Variants in ZC3H12B observed in about 807,000 individuals in gnomAD.
ZC3H12B encodes zinc finger CCCH-type containing 12B, also known as probable ribonuclease ZC3H12B.
ZC3H12B carries 7 observed loss-of-function variants against 43.9 expected under a neutral mutation model. The ratio of observed to expected loss-of-function variants is 0.16; its 90% CI spans 0.09 to 0.30. ZC3H12B has a LOEUF of 0.30. Ranked by LOEUF, ZC3H12B falls within the 10% of genes least tolerant of loss-of-function variation. The probability of loss-of-function intolerance (pLI) is 1.00; values close to 1 mark genes in which losing one functional copy is unlikely to be tolerated. For missense variants in ZC3H12B, 475 were observed against 670.2 expected (o/e 0.71, Z 3.22); for synonymous variants, 222 against 241.7 (o/e 0.92, Z 0.76).
the ZC3H12B span, among the ~76,000 whole-genome samples, chrX:65,101,483 A>G: frequency 2.7e-5 from 3 of 112,010 alleles, no homozygotes; most frequent in African/African-American, 6.5e-5. Flanking sequence ...AACAAAATAA[A>G]TAAACCACTA....
At chrX:65,211,697 A>G in the ZC3H12B span, among the ~76,000 whole-genome samples, 3 of 89,019 alleles carry the variant, frequency 3.4e-5, no homozygotes, top group African/African-American at 8.3e-5. Context: ...ATAATATTAT[A>G]TAATATATAA....
At chrX:65,144,434 T>G in the ZC3H12B span, among the ~76,000 whole-genome samples, 1 of 112,241 alleles carries the variant, frequency 8.9e-6, no homozygotes, top group Non-Finnish European at 1.9e-5. Context: ...GTTTTTGTTT[T>G]ATTTATCTTT....
chrX:65,113,985 G>GCATATATATA, the ZC3H12B span, among the ~76,000 whole-genome samples: 1 of 47,483 alleles, frequency 2.1e-5, no homozygotes. Flanking sequence ...AGATATGCTT[G>GCATATATATA]TATATATATA....
At chrX:65,070,598 C>T in the ZC3H12B span, among the ~76,000 whole-genome samples, 3 of 110,548 alleles carry the variant, frequency 2.7e-5, no homozygotes, top group African/African-American at 6.6e-5. Context: ...CTTAACAATG[C>T]CTTAGCTGTG....
At chrX:65,163,918 C>T in the ZC3H12B span, among the ~76,000 whole-genome samples, 1 of 111,809 alleles carries the variant, frequency 8.9e-6, no homozygotes, top group Admixed American at 9.5e-5. Flanking sequence ...TCTTGGCTCC[C>T]CCCCTCTGCT....
the ZC3H12B span, among the ~76,000 whole-genome samples, chrX:65,039,489 T>C: frequency 8.9e-6 from 1 of 111,929 alleles, no homozygotes; most frequent in East Asian, 2.8e-4. Context: ...CTATAACCTT[T>C]CACAGCCTTG....
chrX:65,475,282 C>T (rs1388239525), intron 3 of ZC3H12B, among the ~76,000 whole-genome samples: 1 of 111,833 alleles, frequency 8.9e-6, no homozygotes, highest in African/African-American at 3.2e-5. Context: ...CACTATTTAG[C>T]ATGTGTTTCT....
the ZC3H12B span, among the ~76,000 whole-genome samples, chrX:65,253,761 C>A: frequency 8.9e-6 from 1 of 112,006 alleles, no homozygotes; most frequent in Admixed American, 9.4e-5. Context: ...CATGCCTGAC[C>A]ATGAAAGAGC....
the ZC3H12B span, among the ~76,000 whole-genome samples, chrX:65,321,534 G>A: frequency 9.0e-6 from 1 of 111,476 alleles, no homozygotes; most frequent in Non-Finnish European, 1.9e-5. Flanking sequence ...ATTTGACCCA[G>A]TAATCCCATT....
At chrX:65,200,934 C>G in the ZC3H12B span, among the ~76,000 whole-genome samples, 1 of 111,234 alleles carries the variant, frequency 9.0e-6, no homozygotes, top group Admixed American at 9.6e-5. Context: ...ATGCTGGATT[C>G]GGTTTGCCAG....
At chrX:65,067,381 G>A in the ZC3H12B span, among the ~76,000 whole-genome samples, 3 of 111,430 alleles carry the variant, frequency 2.7e-5, no homozygotes, top group Non-Finnish European at 3.8e-5. Context: ...CACAGCTTCC[G>A]TTTCCTAGGG....
intron 3 of ZC3H12B, chrX:65,408,064 C>A: frequency 5.1e-6 from 6 of 1,180,552 alleles, no homozygotes; most frequent in Non-Finnish European, 6.8e-6. Context: ...GGAACAGAGC[C>A]CCGGCCGCCG....
chrX:65,363,635 C>G (rs1306722650), upstream of ZC3H12B, among the ~76,000 whole-genome samples: 3 of 111,682 alleles, frequency 2.7e-5, no homozygotes, highest in Non-Finnish European at 5.6e-5. Context: ...TCATTACACA[C>G]AGCTGAAGTG....
intron 3 of ZC3H12B, among the ~76,000 whole-genome samples, chrX:65,453,359 C>CATATATAT (rs1159840122): frequency 8.8e-4 from 24 of 27,173 alleles, no homozygotes; most frequent in South Asian, 3.2e-3. Flanking sequence ...AGCTCAAATG[C>CATATATAT]ATATATATAT....
intron 3 of ZC3H12B, among the ~76,000 whole-genome samples, chrX:65,439,990 C>G (rs1456986842): frequency 9.0e-6 from 1 of 111,321 alleles, no homozygotes; most frequent in African/African-American, 3.3e-5. Flanking sequence ...AGCATAAGCT[C>G]TACCCCAAGT....
At chrX:65,136,367 A>T in the ZC3H12B span, among the ~76,000 whole-genome samples, 1 of 110,698 alleles carries the variant, frequency 9.0e-6, no homozygotes, top group East Asian at 2.8e-4. Context: ...GTTTGGTGGG[A>T]GAGGTTTATT....
intron 3 of ZC3H12B, among the ~76,000 whole-genome samples, chrX:65,450,831 GTGTATATATGTATATATAT>G: frequency 1.7e-5 from 1 of 59,064 alleles, no homozygotes; most frequent in African/African-American, 1.0e-4. Flanking sequence ...ATATACATAT[GTGTATATATGTATATATAT>G]ACATATGTGT....
the ZC3H12B span, among the ~76,000 whole-genome samples, chrX:65,183,700 C>G: frequency 9.0e-6 from 1 of 111,369 alleles, no homozygotes; most frequent in African/African-American, 3.3e-5. Context: ...TTTATAGTTA[C>G]AGGTTTGGTT....
At chrX:65,230,137 A>C in the ZC3H12B span, among the ~76,000 whole-genome samples, 3 of 111,324 alleles carry the variant, frequency 2.7e-5, no homozygotes, top group East Asian at 8.5e-4. Flanking sequence ...AACCAACCCA[A>C]ATGTCCAACA....
Sources: allele counts gnomAD v4.1 joint callset (sites outside exome capture counted in the v4.1 genomes callset), GRCh38; gene constraint gnomAD v4.1.1; transcripts MANE v1.5; gene names NCBI Gene and HGNC (gene_info 2026-07-23, HGNC 2026-07-21).